The following KCTD19 variants were observed in gnomAD, a reference collection of about 807,000 sequenced individuals.
KCTD19 encodes the protein BTB/POZ domain-containing protein KCTD19.
In KCTD19, 67 loss-of-function variants were observed where a neutral mutation model predicts 103.5. That is an observed-to-expected ratio of 0.65 (90% CI 0.53 to 0.79). The LOEUF (loss-of-function observed/expected upper bound fraction) is 0.79. KCTD19 is among the 30% of genes least tolerant of loss of function. The probability of loss-of-function intolerance (pLI) is 0.00; values close to 1 mark genes in which losing one functional copy is unlikely to be tolerated. For missense variants in KCTD19, 980 were observed against 1,136.1 expected, an observed-to-expected ratio of 0.86 and a Z score of 1.98; for synonymous variants, 439 against 452.2, an observed-to-expected ratio of 0.97 and a Z score of 0.37.
chr16:67,301,841 A>G lies in KCTD19; in HGVS notation c.725T>C (p.Leu242Pro). The G allele has an allele frequency of 6.2e-7, 1 of 1,613,920 alleles. No homozygotes were observed. The highest frequency in any genetic ancestry group is 8.5e-7 in the Non-Finnish European group (1 of 1,179,778). ...IDVLEAEVEILEIPALTEAVR... is the reference protein window; with the variant it reads ...IDVLEAEVEIPEIPALTEAVR... ...GGCTTCAGTGAGTGCAGGGATTTCC[A>G]GAATTTCCACTTCTGCTTCTAATAC... The change falls in exon 5 of 16, where the codon CTG (leucine) becomes CCG (proline). Residue 242 changes from leucine (L) to proline (P), a missense_variant. By Grantham distance (98) the Leu-to-Pro change is moderately conservative (BLOSUM62 -3). Coordinates refer to ENST00000304372, the MANE Select transcript of KCTD19 (RefSeq NM_001100915.3).
intron 11 of KCTD19, 43 bp downstream of exon 11, chr16:67,294,537 T>C (rs2036741965): frequency 7.3e-7 from 1 of 1,377,968 alleles, no homozygotes. Context: ...CCGGTGGTAG[T>C]GGTTTTTGAG....
chr16:67,290,317 ACAGGCGC>A (rs2036668667), intron 15 of KCTD19, among the ~76,000 whole-genome samples: 2 of 151,594 alleles, frequency 1.3e-5, no homozygotes, highest in South Asian at 4.2e-4. Context: ...AGCTGGGACT[ACAGGCGC>A]CCACCACCAC....
At chr16:67,299,738 T>A in intron 5 of KCTD19, 165 bp from the exon 6 acceptor site, 1 of 601,446 alleles carries the variant, frequency 1.7e-6, no homozygotes, top group Non-Finnish European at 2.9e-6. Context: ...ATTAGTATAA[T>A]TTTTTTGTAT....
chr16:67,306,753 C>G lies in KCTD19; in HGVS notation c.301-2182G>C, dbSNP rs537847377. ...CATTGCACATAGGGTCCTTCACAAT[C>G]AATGGAGGGAGTAGGGTATACACGA... On this transcript the variant is annotated intron_variant, in intron 2 of 15. Coordinates refer to ENST00000304372, the MANE Select transcript of KCTD19 (RefSeq NM_001100915.3). Among the ~76,000 whole-genome samples, 3 of 152,284 alleles carry G rather than the reference C, an allele frequency of 2.0e-5. No homozygotes were observed. In the South Asian group the frequency reaches 6.2e-4, roughly 32 times the overall value.
chr16:67,293,961 A>G lies in KCTD19; in HGVS notation c.1801T>C (p.Trp601Arg), dbSNP rs779849739. ...GGGGGGCTCTCAGGGTGGCTCCCCC[A>G]GTGTCCAGGATTGGTACACAAGCCA... ...CRGLCTNPGH[W>R]GSHPESPPKK... is the part of the protein sequence containing the mutation. Residue 601 changes from tryptophan (W) to arginine (R), a missense_variant, in exon 12 of 16, where the codon TGG becomes CGG. By Grantham distance (101) the Trp-to-Arg change is moderately radical. Coordinates refer to ENST00000304372, the MANE Select transcript of KCTD19 (RefSeq NM_001100915.3). The surrounding 1 kb of genome is among the most constrained non-coding windows in gnomAD (Gnocchi z 4.0). The G allele has an allele frequency of 1.7e-4, 276 of 1,613,962 alleles. No individual in the cohort carries two copies. Among genetic ancestry groups the G allele is most frequent in the Non-Finnish European group, 2.3e-4 (271 of 1,180,024 alleles).
rs2036810662 is a variant in KCTD19 at position 67,299,547 on chromosome 16, G to A, written c.802C>T (p.Pro268Ser). 3.1e-6 allele frequency: 5 copies of A among 1,613,328 alleles called. No homozygotes were observed. The highest frequency in any genetic ancestry group is 1.3e-5 in the African/African-American group (1 of 74,944). ...MGGCSPTTCS[P>S]LSPGKGARTA... ...CGGGCCCCCTTCCCGGGGCTCAGGG[G>A]AGAACAGGTGGTCGGGGAACAGCCA... The change falls in exon 6 of 16, where the codon CCC becomes TCC. Residue 268 changes from proline (P) to serine (S), a missense_variant. Physicochemically the swap from Pro to Ser is moderately conservative, Grantham distance 74 (BLOSUM62 -1). Coordinates refer to ENST00000304372, the MANE Select transcript of KCTD19 (RefSeq NM_001100915.3).
intron 2 of KCTD19, among the ~76,000 whole-genome samples, chr16:67,309,410 G>T (rs1296624890): frequency 1.3e-5 from 2 of 152,174 alleles, no homozygotes; most frequent in African/African-American, 4.8e-5. Context: ...AAGACCTAAC[G>T]GGGAGAGGGA....
At position 67,297,622 on chromosome 16, in the gene KCTD19, A is replaced by G; in HGVS notation, c.1028T>C (p.Ile343Thr). ...GGCACAGAGCTCATATACCTCGGAA[A>G]TGGTCTCTGTCAGGGGCAGCCGGCA... ...GTCRLPLTET[I>T]SEVYELCAFL... Residue 343 changes from isoleucine to threonine, a missense_variant, in exon 7 of 16, where the codon ATT (isoleucine) becomes ACT (threonine). Coordinates refer to ENST00000304372, the MANE Select transcript of KCTD19 (RefSeq NM_001100915.3). The G allele has an allele frequency of 6.2e-7, 1 of 1,614,020 alleles. No homozygotes were observed. The highest frequency in any genetic ancestry group is 8.5e-7 in the Non-Finnish European group (1 of 1,180,004).
intron 8 of KCTD19, chr16:67,295,933 C>T (rs557781617): frequency 1.0e-5 from 5 of 494,702 alleles, no homozygotes; most frequent in African/African-American, 7.8e-5. Flanking sequence ...TTAGTACAGA[C>T]GGGGTTTCAC....
chr16:67,302,073 TGA>T, intron 4 of KCTD19, 151 bp from the exon 5 acceptor site: 1 of 678,148 alleles, frequency 1.5e-6, no homozygotes, highest in Non-Finnish European at 2.5e-6. Flanking sequence ...AGATTAGCTT[TGA>T]GTGTGTGGTT....
At chr16:67,314,449 C>T (rs1249567983) in intron 2 of KCTD19, among the ~76,000 whole-genome samples, 1 of 152,088 alleles carries the variant, frequency 6.6e-6, no homozygotes, top group Non-Finnish European at 1.5e-5. Context: ...CATTCTCACT[C>T]ACCCATCCTT....
chr16:67,295,756 G>GT (rs1202503222), intron 8 of KCTD19: 10 of 323,166 alleles, frequency 3.1e-5, no homozygotes, highest in African/African-American at 1.3e-4. Flanking sequence ...GTTTTGTTTT[G>GT]TTTTTTGAGG....
At chr16:67,309,715 G>C (rs1273202732) in intron 2 of KCTD19, among the ~76,000 whole-genome samples, 2 of 152,274 alleles carry the variant, frequency 1.3e-5, no homozygotes, top group East Asian at 3.9e-4. Context: ...CTGTGGTGGG[G>C]AGAAGGGGAG....
chr16:67,300,051 G>A lies in KCTD19; in HGVS notation c.776-478C>T, dbSNP rs2036817104. 2 of 162,332 alleles carry A rather than the reference G, an allele frequency of 1.2e-5. No individual in the cohort carries two copies. Among genetic ancestry groups the A allele is most frequent in the Admixed American group, 6.3e-5 (1 of 15,850 alleles). The allele number at this position is 162,332 out of a possible 1,614,324, so 10.1% of individuals were successfully genotyped here. On this transcript the variant is annotated intron_variant, in intron 5 of 15. Coordinates refer to ENST00000304372, the MANE Select transcript of KCTD19 (RefSeq NM_001100915.3). The surrounding 1 kb of genome is among the most constrained non-coding windows in gnomAD (Gnocchi z 4.5). Reference sequence around the variant, plus strand: ...CTGTGTGGCATTATTTTCAGGGTGGGTATTTGGGTTGCTGGTTTATGGATG... The same window carrying A: ...CTGTGTGGCATTATTTTCAGGGTGGATATTTGGGTTGCTGGTTTATGGATG...
intron 2 of KCTD19, among the ~76,000 whole-genome samples, chr16:67,315,081 G>T (rs2036995849): frequency 6.6e-6 from 1 of 151,592 alleles, no homozygotes. Context: ...GGCTGGTCTC[G>T]AACTTCTGGC....
At chr16:67,316,858 G>A (rs916890067) in intron 2 of KCTD19, among the ~76,000 whole-genome samples, 5 of 151,250 alleles carry the variant, frequency 3.3e-5, no homozygotes, top group Non-Finnish European at 5.9e-5. Flanking sequence ...GGAGTTGGGG[G>A]ATTTGGGGAA....
chr16:67,299,239 A>G, intron 6 of KCTD19, 124 bp downstream of exon 6: 1 of 869,302 alleles, frequency 1.2e-6, no homozygotes, highest in Non-Finnish European at 1.8e-6. Flanking sequence ...TAATGGCTAA[A>G]ATGATGGGCT....
At chr16:67,296,437 T>G (rs547203847) in intron 7 of KCTD19, among the ~76,000 whole-genome samples, 178 bp from the exon 8 acceptor site, 1 of 152,194 alleles carries the variant, frequency 6.6e-6, no homozygotes, top group East Asian at 1.9e-4. Context: ...GCTGCAAGGT[T>G]TCCTGGGTGG....
In KCTD19 at chr16:67,295,416, T is replaced by A. The variant is rs745928095; in HGVS notation, c.1249-11A>T. 7 of 1,606,724 alleles carry A rather than the reference T, an allele frequency of 4.4e-6. No homozygotes were observed. The African/African-American group carries it at 5.3e-5, about 12-fold the overall frequency. On this transcript the variant is annotated splice_polypyrimidine_tract_variant and intron_variant, in intron 8 of 15. Coordinates refer to ENST00000304372, the MANE Select transcript of KCTD19 (RefSeq NM_001100915.3). ...CAGCAGTTCTGGATACTGGAGGGGG[T>A]TGGACACCGGACTCAGTCTCAGAGG...
Sources: gnomAD v4.1 joint callset for allele counts (sites outside exome capture counted in the v4.1 genomes callset) on GRCh38, gnomAD v4.1.1 for gene constraint, Gnocchi (gnomAD v3.1) non-coding constraint, MANE v1.5 for transcripts, NCBI Gene and HGNC (gene_info 2026-07-23, HGNC 2026-07-21) for gene names.